Variants in H2AX observed in about 807,000 individuals in gnomAD.
H2AX encodes histone H2AX.
H2AX carries 2 observed loss-of-function variants against 8.0 expected under a neutral mutation model. That is an observed-to-expected ratio of 0.25 (90% CI 0.10 to 0.79). The LOEUF (loss-of-function observed/expected upper bound fraction) is 0.79, where lower values mean the gene tolerates loss of function less well. Among genes scored for constraint, H2AX ranks in the 30% least tolerant of loss-of-function variants. The pLI, the probability that H2AX is intolerant of heterozygous loss-of-function variation, is 0.69. For missense variants in H2AX, 105 were observed against 201.0 expected, an observed-to-expected ratio of 0.52 and a Z score of 2.89; for synonymous variants, 110 against 102.5, an observed-to-expected ratio of 1.07 and a Z score of -0.44.
Position 119,094,896 on chromosome 11 carries a change from G to C in H2AX, c.*67C>G. On this transcript the variant is annotated 3_prime_UTR_variant, in exon 1 of 1. Coordinates refer to ENST00000530167, the MANE Select transcript of H2AX (RefSeq NM_002105.3). ...CTCAGCTCTTTCCATGAGGGCGGTG[G>C]TGGCCCTTAAAAGGGCCTTTGTGGT... is the stretch of plus-strand genomic sequence containing the variant. 1 of 1,440,502 alleles carries C rather than the reference G, an allele frequency of 6.9e-7. No individual in the cohort carries two copies. 89.2% of individuals were successfully genotyped at this position (1,440,502 alleles called of 1,614,324 possible).
Position 119,095,255 on chromosome 11 carries a change from C to G in H2AX, c.140G>C (p.Gly47Ala). The G allele has an allele frequency of 6.2e-7, 1 of 1,613,516 alleles. No individual in the cohort carries two copies. The highest frequency in any genetic ancestry group is 1.3e-5 in the African/African-American group (1 of 75,054). Reference protein sequence around the residue: ...KGHYAERVGAGAPVYLAAVLE... With the variant: ...KGHYAERVGAAAPVYLAAVLE... ...CACTGCCGCCAGGTACACTGGCGCG[C>G]CGGCGCCAACGCGCTCGGCGTAGTG... The change falls in exon 1 of 1, where the codon GGC (glycine) becomes GCC (alanine). Residue 47 changes from glycine (G) to alanine (A), a missense_variant. Gly to Ala is a moderately conservative substitution (Grantham distance 60). This residue lies in a region of H2AX where 55 missense variants were observed against 144.4 expected (regional missense o/e 0.38). Transcript: ENST00000530167.
Position 119,095,434 on chromosome 11 carries a change from C to A in H2AX, c.-40G>T, listed in dbSNP as rs906205438. The A allele has an allele frequency of 4.1e-6, 6 of 1,461,594 alleles. No individual in the cohort carries two copies. Among genetic ancestry groups the A allele is most frequent in the Non-Finnish European group, 5.4e-6 (6 of 1,113,516 alleles). 90.5% of individuals were successfully genotyped at this position (1,461,594 alleles called of 1,614,324 possible). ...CCGGTGAAGCACGACGGCTCAAACACTAGAACAGACGCCCGCCGCAGTGTA... is the reference window on the plus strand; with the variant it reads ...CCGGTGAAGCACGACGGCTCAAACAATAGAACAGACGCCCGCCGCAGTGTA... On this transcript the variant is annotated 5_prime_UTR_variant, in exon 1 of 1. Transcript: ENST00000530167.
rs1263858555 is a variant in H2AX at position 119,094,868 on chromosome 11, C to T, written c.*95G>A. ...GGCCCGCTTGCCCCGCAGTCTGAAG[C>T]GGCTCAGCTCTTTCCATGAGGGCGG... On this transcript the variant is annotated 3_prime_UTR_variant, in exon 1 of 1. Transcript: ENST00000530167. 1 of 1,282,914 alleles carries T rather than the reference C, an allele frequency of 7.8e-7. No homozygotes were observed. The highest frequency in any genetic ancestry group is 1.0e-6 in the Non-Finnish European group (1 of 957,294). 79.5% of individuals were successfully genotyped at this position (1,282,914 alleles called of 1,614,324 possible).
Position 119,095,308 on chromosome 11 carries a change from G to A in H2AX, c.87C>T (p.Gly29=), listed in dbSNP as rs1727912522. Residue 29 remains glycine, a synonymous_variant, in exon 1 of 1, where the codon GGC becomes GGT. Coordinates refer to ENST00000530167, the MANE Select transcript of H2AX (RefSeq NM_002105.3). ...CCTTCCGCAGCAGCCGGTGTACACG[G>A]CCCACTGGGAACTGGAGGCCGGCGC... ...SSRAGLQFPV[G]RVHRLLRKGH... The A allele has an allele frequency of 6.2e-7, 1 of 1,610,554 alleles. No individual in the cohort carries two copies. The highest frequency in any genetic ancestry group is 8.5e-7 in the Non-Finnish European group (1 of 1,177,848).
In H2AX at chr11:119,095,170, C is replaced by T. The variant is rs1565760965; in HGVS notation, c.225G>A (p.Lys75=). The T allele has an allele frequency of 6.2e-7, 1 of 1,614,044 alleles. No homozygotes were observed. Among genetic ancestry groups the T allele is most frequent in the Admixed American group, 1.7e-5 (1 of 60,032 alleles). ...ELAGNAARDN[K]KTRIIPRHLQ... ...GGTGGCGGGGGATGATTCGCGTCTT[C>T]TTGTTGTCGCGGGCCGCATTGCCCG... Residue 75 remains lysine, a synonymous_variant, in exon 1 of 1, where the codon AAG becomes AAA. Transcript: ENST00000530167.
In H2AX at chr11:119,093,876, T is replaced by TA. The variant is rs1034109841; in HGVS notation, c.*1086dup. The TA allele has an allele frequency of 1.0e-3, 156 of 153,662 alleles. No individual in the cohort carries two copies. Among genetic ancestry groups the TA allele is most frequent in the South Asian group, 2.1e-3 (11 of 5,218 alleles). The allele number at this position is 153,662 out of a possible 1,614,324, so 9.5% of individuals were successfully genotyped here. ...GCAAAATGAAAACAAACGCTCCATT[T>TA]AAAAAAAAAACAATCCTTTAATAAA... is the stretch of plus-strand genomic sequence containing the variant. On this transcript the variant is annotated 3_prime_UTR_variant, in exon 1 of 1. Transcript: ENST00000530167.
rs535874260 is a variant in H2AX at position 119,094,660 on chromosome 11, G to A, written c.*303C>T. Reference sequence around the variant, plus strand: ...GGCAGGCTCGGGTCTTCCGCGCCACGGAGGTCCCCGAAGAGCGCCCAAGCC... The same window carrying A: ...GGCAGGCTCGGGTCTTCCGCGCCACAGAGGTCCCCGAAGAGCGCCCAAGCC... On this transcript the variant is annotated 3_prime_UTR_variant, in exon 1 of 1. Transcript: ENST00000530167. 1.2e-5 allele frequency: 3 copies of A among 246,574 alleles called. No homozygotes were observed. The highest frequency in any genetic ancestry group is 2.3e-5 in the Non-Finnish European group (3 of 130,484). 15.3% of individuals were successfully genotyped at this position (246,574 alleles called of 1,614,324 possible). A position where few individuals can be genotyped will look rare whatever the true frequency, so the allele number is the denominator to read the frequency against.
Position 119,094,959 on chromosome 11 carries a change from C to T in H2AX, c.*4G>A. 6.3e-7 allele frequency: 1 copy of T among 1,594,598 alleles called. No individual in the cohort carries two copies. The highest frequency in any genetic ancestry group is 1.4e-5 in the African/African-American group (1 of 73,890). ...CCTGGCGGCCGGCCGCGGCGCGGGC[C>T]CTCTTAGTACTCCTGGGAGGCCTGG... On this transcript the variant is annotated 3_prime_UTR_variant, in exon 1 of 1. Transcript: ENST00000530167.
chr11:119,094,960 C>G lies in H2AX; in HGVS notation c.*3G>C, dbSNP rs1387830658. 6.2e-7 allele frequency: 1 copy of G among 1,607,218 alleles called. No homozygotes were observed. Among genetic ancestry groups the G allele is most frequent in the South Asian group, 1.1e-5 (1 of 90,788 alleles). ...CTGGCGGCCGGCCGCGGCGCGGGCC[C>G]TCTTAGTACTCCTGGGAGGCCTGGG... is the stretch of plus-strand genomic sequence containing the variant. On this transcript the variant is annotated 3_prime_UTR_variant, in exon 1 of 1. Transcript: ENST00000530167.
In H2AX at chr11:119,094,829, G is replaced by A. The variant is rs1946362875; in HGVS notation, c.*134C>T. 6 of 958,782 alleles carry A rather than the reference G, an allele frequency of 6.3e-6. No homozygotes were observed. The Admixed American group carries it at 1.2e-4, about 20-fold the overall frequency. The allele number at this position is 958,782 out of a possible 1,614,324, so 59.4% of individuals were successfully genotyped here. A position where few individuals can be genotyped will look rare whatever the true frequency, so the allele number is the denominator to read the frequency against. ...GCGAAGGCGGGCGAGGGGAGGGGAG[G>A]GGAAGGGAGCCGCGGCCCGCTTGCC... is the stretch of plus-strand genomic sequence containing the variant. On this transcript the variant is annotated 3_prime_UTR_variant, in exon 1 of 1. Transcript: ENST00000530167.
Position 119,094,981 on chromosome 11 carries a change from C to G in H2AX, c.414G>C (p.Gln138His). The G allele has an allele frequency of 6.2e-7, 1 of 1,612,200 alleles. No individual in the cohort carries two copies. Among genetic ancestry groups the G allele is most frequent in the Non-Finnish European group, 8.5e-7 (1 of 1,179,230 alleles). Residue 138 changes from glutamine to histidine, a missense_variant, in exon 1 of 1, where the codon CAG becomes CAC. By Grantham distance (24) the Gln-to-His change is conservative. This residue lies in a region of H2AX where 29 missense variants were observed against 33.9 expected (regional missense o/e 0.86). Coordinates refer to ENST00000530167, the MANE Select transcript of H2AX (RefSeq NM_002105.3). ...GGCCCTCTTAGTACTCCTGGGAGGCCTGGGTGGCCTTCTTGCCGCCCGAGG... is the reference window on the plus strand; with the variant it reads ...GGCCCTCTTAGTACTCCTGGGAGGCGTGGGTGGCCTTCTTGCCGCCCGAGG... ...KAPSGGKKAT[Q>H]ASQEY
chr11:119,095,449 G>T lies in H2AX; in HGVS notation c.-55C>A, dbSNP rs530602734. The T allele has an allele frequency of 5.5e-6, 8 of 1,460,714 alleles. No individual in the cohort carries two copies. The highest frequency in any genetic ancestry group is 2.7e-5 in the Admixed American group (1 of 36,752). The allele number at this position is 1,460,714 out of a possible 1,614,324, so 90.5% of individuals were successfully genotyped here. A position where few individuals can be genotyped will look rare whatever the true frequency, so the allele number is the denominator to read the frequency against. On this transcript the variant is annotated 5_prime_UTR_variant, in exon 1 of 1. Coordinates refer to ENST00000530167, the MANE Select transcript of H2AX (RefSeq NM_002105.3). ...GGCTCAAACACTAGAACAGACGCCC[G>T]CCGCAGTGTAACTGCTGTCGCGCGC...
rs1946360510 is a variant in H2AX, at chr11:119,094,697, GCCCGAACCCTA to G, written c.*255_*265del. On this transcript the variant is annotated 3_prime_UTR_variant, in exon 1 of 1. Transcript: ENST00000530167. Reference sequence around the variant, plus strand: ...AGAGCGCCCAAGCCGCATCCGGAAGGCCCGAACCCTACCGGAGGGCGGACGGCGGACAGGGC... The same window carrying G: ...AGAGCGCCCAAGCCGCATCCGGAAGGCCGGAGGGCGGACGGCGGACAGGGC... The G allele has an allele frequency of 2.8e-6, 1 of 356,122 alleles. No individual in the cohort carries two copies. The highest frequency in any genetic ancestry group is 5.0e-6 in the Non-Finnish European group (1 of 200,508). 22.1% of individuals were successfully genotyped at this position (356,122 alleles called of 1,614,324 possible).
In H2AX at chr11:119,094,788, G is replaced by A. The variant is rs965959751; in HGVS notation, c.*175C>T. ...CGGGACGGGAGCGGGGGCGGGCGGG[G>A]ACTCGAGGCCGGGCGGCGAAGGCGG... On this transcript the variant is annotated 3_prime_UTR_variant, in exon 1 of 1. Transcript: ENST00000530167. The A allele has an allele frequency of 1.5e-6, 1 of 669,440 alleles. No homozygotes were observed. Among genetic ancestry groups the A allele is most frequent in the South Asian group, 2.1e-5 (1 of 47,444 alleles). 41.5% of individuals were successfully genotyped at this position (669,440 alleles called of 1,614,324 possible). A position where few individuals can be genotyped will look rare whatever the true frequency, so the allele number is the denominator to read the frequency against.
rs755203949 is a variant in H2AX at position 119,095,311 on chromosome 11, C to G, written c.84G>C (p.Val28=). The G allele has an allele frequency of 1.1e-5, 18 of 1,609,886 alleles. No individual in the cohort carries two copies. Among genetic ancestry groups the G allele is most frequent in the African/African-American group, 1.3e-5 (1 of 74,714 alleles). Residue 28 remains valine (V), a synonymous_variant, in exon 1 of 1, where the codon GTG becomes GTC. Transcript: ENST00000530167. The stretch of plus-strand genomic sequence containing the variant: ...TCCGCAGCAGCCGGTGTACACGGCC[C>G]ACTGGGAACTGGAGGCCGGCGCGCG... The part of the protein sequence containing the change: ...RSSRAGLQFP[V]GRVHRLLRKG...
In H2AX at chr11:119,095,236, C is replaced by T. The variant is rs375920693; in HGVS notation, c.159G>A (p.Ala53=). The T allele has an allele frequency of 6.6e-5, 106 of 1,613,732 alleles. No homozygotes were observed. The highest frequency in any genetic ancestry group is 8.5e-5 in the Non-Finnish European group (100 of 1,179,816). ...CAGCGGTGAGGTACTCCAGCACTGC[C>T]GCCAGGTACACTGGCGCGCCGGCGC... The part of the protein sequence containing the change: ...RVGAGAPVYL[A]AVLEYLTAEI... Residue 53 remains alanine (A), a synonymous_variant, in exon 1 of 1, where the codon GCG becomes GCA. Coordinates refer to ENST00000530167, the MANE Select transcript of H2AX (RefSeq NM_002105.3).
rs1020726042 is a variant in H2AX at position 119,094,826 on chromosome 11, G to C, written c.*137C>G. On this transcript the variant is annotated 3_prime_UTR_variant, in exon 1 of 1. Transcript: ENST00000530167. ...GCGGCGAAGGCGGGCGAGGGGAGGG[G>C]AGGGGAAGGGAGCCGCGGCCCGCTT... 27 of 915,946 alleles carry C rather than the reference G, an allele frequency of 2.9e-5. No homozygotes were observed. Among genetic ancestry groups the C allele is most frequent in the Non-Finnish European group, 4.1e-5 (26 of 635,154 alleles). The allele number at this position is 915,946 out of a possible 1,614,324, so 56.7% of individuals were successfully genotyped here.
In H2AX at chr11:119,095,388, C is replaced by T; in HGVS notation, c.7G>A (p.Gly3Ser). MS[G>S]RGKTGGKARA... ...GCCTTGCCGCCAGTCTTGCCGCGGCCCGACATGCTAGCGAGGTAGACCGGT... is the reference window on the plus strand; with the variant it reads ...GCCTTGCCGCCAGTCTTGCCGCGGCTCGACATGCTAGCGAGGTAGACCGGT... Residue 3 changes from glycine (G) to serine (S), a missense_variant, in exon 1 of 1, where the codon GGC (glycine) becomes AGC (serine). Gly to Ser is a moderately conservative substitution (Grantham distance 56). Coordinates refer to ENST00000530167, the MANE Select transcript of H2AX (RefSeq NM_002105.3). 6.4e-7 allele frequency: 1 copy of T among 1,559,562 alleles called. No homozygotes were observed. Among genetic ancestry groups the T allele is most frequent in the Non-Finnish European group, 8.6e-7 (1 of 1,158,680 alleles).
In H2AX at chr11:119,095,405, TA is replaced by T. The variant is rs1946374063; in HGVS notation, c.-12del. On this transcript the variant is annotated 5_prime_UTR_variant, in exon 1 of 1. Transcript: ENST00000530167. ...GCCGCGGCCCGACATGCTAGCGAGG[TA>T]GACCGGTGAAGCACGACGGCTCAAA... 6.5e-7 allele frequency: 1 copy of T among 1,531,546 alleles called. No homozygotes were observed. The highest frequency in any genetic ancestry group is 8.7e-7 in the Non-Finnish European group (1 of 1,147,178). 94.9% of individuals were successfully genotyped at this position (1,531,546 alleles called of 1,614,324 possible).
Sources: allele counts gnomAD v4.1 joint callset, GRCh38; gene constraint gnomAD v4.1.1; regional missense constraint gnomAD v4.1.1; transcripts MANE v1.5; gene names NCBI Gene and HGNC (gene_info 2026-07-23, HGNC 2026-07-21).